The following SNTG1 variants were observed in gnomAD, a reference collection of about 807,000 sequenced individuals.
The protein encoded by SNTG1 is syntrophin gamma 1.
Under a neutral mutation model 74.7 loss-of-function variants are expected in SNTG1, and 39 were observed. The ratio of observed to expected loss-of-function variants is 0.52; its 90% CI spans 0.40 to 0.68. SNTG1 has a LOEUF of 0.68. Among genes scored for constraint, SNTG1 ranks in the 30% least tolerant of loss-of-function variants. SNTG1 has a pLI of 0.00. For missense variants in SNTG1, 685 were observed against 609.5 expected (o/e 1.12, Z -1.30); for synonymous variants, 254 against 217.1 (o/e 1.17, Z -1.49).
At chr8:50,108,953 T>A (rs1026925387) in intron 1 of SNTG1, among the ~76,000 whole-genome samples, 1 of 152,158 alleles carries the variant, frequency 6.6e-6, no homozygotes, top group Admixed American at 6.6e-5. Flanking sequence ...TGTATGTATA[T>A]AGTCTAGGTG....
chr8:50,772,332 G>T (rs1231183113), intron 18 of SNTG1, among the ~76,000 whole-genome samples: 3 of 152,090 alleles, frequency 2.0e-5, no homozygotes, highest in Admixed American at 2.0e-4. Context: ...AAATTATCCT[G>T]GAGCCTTAAG....
chr8:50,181,174 G>C (rs990094786), intron 2 of SNTG1, among the ~76,000 whole-genome samples: 2 of 152,116 alleles, frequency 1.3e-5, no homozygotes, highest in Admixed American at 1.3e-4. Flanking sequence ...CAGCATTGTT[G>C]GTGGTGATTG....
chr8:50,683,776 T>A (rs1169026655), intron 15 of SNTG1, among the ~76,000 whole-genome samples: 1 of 152,178 alleles, frequency 6.6e-6, no homozygotes, highest in Non-Finnish European at 1.5e-5. Flanking sequence ...ACTAAGATAA[T>A]TAAATAGCTA....
chr8:50,289,071 AG>A (rs1199241404), intron 2 of SNTG1, among the ~76,000 whole-genome samples: 1 of 152,184 alleles, frequency 6.6e-6, no homozygotes, highest in Non-Finnish European at 1.5e-5. Context: ...TGCTTTGCAA[AG>A]TTCCTCTAAG....
chr8:50,125,090 A>G (rs1241986113), intron 1 of SNTG1, among the ~76,000 whole-genome samples: 2 of 142,258 alleles, frequency 1.4e-5, no homozygotes, highest in Non-Finnish European at 3.1e-5. Flanking sequence ...TGAAAGGCAC[A>G]TTTGGCTTTA....
At chr8:50,603,783 A>G (rs762023214) in intron 13 of SNTG1, among the ~76,000 whole-genome samples, 2 of 152,158 alleles carry the variant, frequency 1.3e-5, no homozygotes, top group Non-Finnish European at 1.5e-5. Context: ...GTTTTCAGAA[A>G]GACATTTTTG....
In SNTG1 at chr8:50,260,601, G is replaced by A. The variant is rs566009424; in HGVS notation, c.-28+87966G>A. 2.2e-4 allele frequency among the ~76,000 whole-genome samples: 34 copies of A among 151,624 alleles called. No individual in the cohort carries two copies. In the South Asian group the frequency reaches 4.2e-3, roughly 19 times the overall value. On this transcript the variant is annotated intron_variant, in intron 2 of 18. Coordinates refer to ENST00000642720, the MANE Select transcript of SNTG1 (RefSeq NM_018967.5). The stretch of plus-strand genomic sequence containing the variant: ...AAACAACAAGAAAAAATAAGCATAA[G>A]AACCAGAATCAAATATGGGAGGAAT...
chr8:50,129,458 A>C (rs1164765508), intron 1 of SNTG1, among the ~76,000 whole-genome samples: 1 of 152,256 alleles, frequency 6.6e-6, no homozygotes. Context: ...TTCATAAAAA[A>C]CATCAGTCTT....
At chr8:49,941,632 G>T (rs978982093) in intron 1 of SNTG1, among the ~76,000 whole-genome samples, 1 of 151,934 alleles carries the variant, frequency 6.6e-6, no homozygotes, top group Middle Eastern at 3.2e-3. Context: ...TGCGGCCTGA[G>T]TGAGCCCCTC....
chr8:50,592,534 C>T (rs1316840200), intron 13 of SNTG1, among the ~76,000 whole-genome samples: 1 of 152,084 alleles, frequency 6.6e-6, no homozygotes, highest in East Asian at 1.9e-4. Context: ...TGCTTATACC[C>T]AGGTTTAGAA....
At chr8:50,319,033 T>C (rs1160666424) in intron 2 of SNTG1, among the ~76,000 whole-genome samples, 1 of 151,982 alleles carries the variant, frequency 6.6e-6, no homozygotes, top group Non-Finnish European at 1.5e-5. Context: ...TACACATATA[T>C]GTGAGTATAT....
At chr8:50,409,717 A>G (rs999061936) in intron 4 of SNTG1, among the ~76,000 whole-genome samples, 2 of 152,192 alleles carry the variant, frequency 1.3e-5, no homozygotes, top group African/African-American at 4.8e-5. Flanking sequence ...ATACCCTTCA[A>G]TGGGCCCTGA....
At chr8:50,315,937 T>G (rs2090301486) in intron 2 of SNTG1, among the ~76,000 whole-genome samples, 1 of 152,162 alleles carries the variant, frequency 6.6e-6, no homozygotes, top group Non-Finnish European at 1.5e-5. Flanking sequence ...AAATTGAATG[T>G]GAGAAGACTT....
intron 18 of SNTG1, among the ~76,000 whole-genome samples, chr8:50,759,339 T>G (rs1170060504): frequency 1.3e-5 from 2 of 152,148 alleles, no homozygotes; most frequent in Non-Finnish European, 2.9e-5. Context: ...CAATTTTGGC[T>G]TTTGTTGCCA....
chr8:50,667,450 A>T (rs1343408630), intron 15 of SNTG1, among the ~76,000 whole-genome samples: 2 of 152,056 alleles, frequency 1.3e-5, no homozygotes, highest in Non-Finnish European at 2.9e-5. Flanking sequence ...GCATGATGCT[A>T]GCATGTCGTG....
chr8:50,510,643 G>T (rs2094061683), intron 9 of SNTG1, among the ~76,000 whole-genome samples: 3 of 152,118 alleles, frequency 2.0e-5, no homozygotes, highest in African/African-American at 7.2e-5. Flanking sequence ...TTTAGTCTTG[G>T]GAGGGTGTAT....
At chr8:49,931,120 C>A (rs1177989388) in intron 1 of SNTG1, among the ~76,000 whole-genome samples, 1 of 152,134 alleles carries the variant, frequency 6.6e-6, no homozygotes, top group Non-Finnish European at 1.5e-5. Flanking sequence ...CATGGAAATG[C>A]AAATTAAAGC....
chr8:50,515,377 A>C (rs2094122475), intron 9 of SNTG1, among the ~76,000 whole-genome samples: 2 of 143,616 alleles, frequency 1.4e-5, no homozygotes, highest in African/African-American at 2.6e-5. Context: ...ACAACAAGCT[A>C]GCTGCAGGAG....
At chr8:50,018,811 A>G (rs1400239631) in intron 1 of SNTG1, among the ~76,000 whole-genome samples, 1 of 152,022 alleles carries the variant, frequency 6.6e-6, no homozygotes, top group East Asian at 1.9e-4. Context: ...GATGGTTATA[A>G]ACAAAGAAAC....
Sources: gnomAD v4.1 joint callset for allele counts (sites outside exome capture counted in the v4.1 genomes callset) on GRCh38, gnomAD v4.1.1 for gene constraint, MANE v1.5 for transcripts, NCBI Gene and HGNC (gene_info 2026-07-23, HGNC 2026-07-21) for gene names.